Variants in GRXCR1 observed in about 807,000 individuals in gnomAD.
GRXCR1 encodes the protein glutaredoxin domain-containing cysteine-rich protein 1.
In GRXCR1, 27 loss-of-function variants were observed where a neutral mutation model predicts 27.3. The ratio of observed to expected loss-of-function variants is 0.99; its 90% CI spans 0.73 to 1.37. The LOEUF is 1.37. Ranked by LOEUF, GRXCR1 falls within the 40% of genes most tolerant of loss-of-function variation. The probability of loss-of-function intolerance (pLI) is 0.00; values close to 1 mark genes in which losing one functional copy is unlikely to be tolerated. For missense variants in GRXCR1, 379 were observed against 354.4 expected (o/e 1.07, Z -0.56); for synonymous variants, 122 against 131.1 (o/e 0.93, Z 0.47).
At chr4:42,916,378 A>T (rs1329182183) in intron 1 of GRXCR1, among the ~76,000 whole-genome samples, 1 of 152,200 alleles carries the variant, frequency 6.6e-6, no homozygotes, top group African/African-American at 2.4e-5. Flanking sequence ...AGGTAGAACT[A>T]CACAAGCTAA....
chr4:42,914,829 G>A (rs1393078598), intron 1 of GRXCR1, among the ~76,000 whole-genome samples: 1 of 152,082 alleles, frequency 6.6e-6, no homozygotes, highest in Non-Finnish European at 1.5e-5. Context: ...ATTGAATCAT[G>A]GGGGCAGTTT....
intron 2 of GRXCR1, among the ~76,000 whole-genome samples, chr4:42,998,199 G>A (rs748791957): frequency 1.3e-4 from 20 of 152,096 alleles, no homozygotes; most frequent in Non-Finnish European, 2.8e-4. Flanking sequence ...CTGAACGTGA[G>A]TCCATAAAAA....
At chr4:42,984,507 C>T (rs1020931884) in intron 2 of GRXCR1, among the ~76,000 whole-genome samples, 2 of 152,180 alleles carry the variant, frequency 1.3e-5, no homozygotes, top group East Asian at 1.9e-4. Context: ...AAAGTAGATA[C>T]CTATTCTAGT....
intron 1 of GRXCR1, among the ~76,000 whole-genome samples, chr4:42,899,617 C>G (rs34155267): frequency 0.14 from 21,205 of 152,002 alleles, 1,661 homozygotes; most frequent in African/African-American, 0.21. Flanking sequence ...AGTTCTGTCT[C>G]AAGGACAATA....
chr4:42,976,534 C>T (rs1240190579), intron 2 of GRXCR1, among the ~76,000 whole-genome samples: 1 of 151,948 alleles, frequency 6.6e-6, no homozygotes, highest in East Asian at 1.9e-4. Flanking sequence ...GACATGATCA[C>T]ACCCACGAAA....
chr4:42,953,747 T>C (rs1213558095), intron 1 of GRXCR1, among the ~76,000 whole-genome samples: 1 of 152,156 alleles, frequency 6.6e-6, no homozygotes, highest in Non-Finnish European at 1.5e-5. Context: ...TGGATTTGGA[T>C]TTTTTGTTCA....
intron 3 of GRXCR1, among the ~76,000 whole-genome samples, chr4:43,020,715 T>C (rs536899854): frequency 1.3e-5 from 2 of 152,330 alleles, no homozygotes; most frequent in South Asian, 2.1e-4. Context: ...GGAAATGGTC[T>C]TGATGCACAT....
At chr4:42,973,117 A>G (rs1332632463) in intron 2 of GRXCR1, among the ~76,000 whole-genome samples, 1 of 152,114 alleles carries the variant, frequency 6.6e-6, no homozygotes. Flanking sequence ...TAGCCAGTCT[A>G]TAGTCACTTG....
intron 2 of GRXCR1, among the ~76,000 whole-genome samples, chr4:43,001,057 G>A (rs1004691006): frequency 1.3e-5 from 2 of 151,480 alleles, no homozygotes; most frequent in African/African-American, 4.9e-5. Flanking sequence ...CTCCTGAGTA[G>A]CTGGGATTAC....
intron 1 of GRXCR1, among the ~76,000 whole-genome samples, chr4:42,925,809 C>A (rs1052795679): frequency 6.6e-6 from 1 of 151,878 alleles, no homozygotes; most frequent in African/African-American, 2.4e-5. Context: ...TGAAAGACAG[C>A]TGATTCAATT....
At chr4:42,966,707 T>C (rs944328860) in intron 2 of GRXCR1, among the ~76,000 whole-genome samples, 3 of 152,114 alleles carry the variant, frequency 2.0e-5, no homozygotes, top group African/African-American at 4.8e-5. Flanking sequence ...GCATTTGGTG[T>C]TGTGAGTCTT....
intron 1 of GRXCR1, among the ~76,000 whole-genome samples, chr4:42,904,490 A>C (rs556630243): frequency 1.3e-5 from 2 of 152,324 alleles, no homozygotes; most frequent in South Asian, 4.1e-4. Flanking sequence ...TAAGAGCACT[A>C]TTCTCTGGAG....
At chr4:43,026,657 T>C (rs1360553970) in intron 3 of GRXCR1, among the ~76,000 whole-genome samples, 2 of 152,234 alleles carry the variant, frequency 1.3e-5, no homozygotes, top group Admixed American at 1.3e-4. Flanking sequence ...TGAAAACTAC[T>C]ATCATAGAGG....
At chr4:42,946,738 C>G (rs974938349) in intron 1 of GRXCR1, among the ~76,000 whole-genome samples, 1 of 152,042 alleles carries the variant, frequency 6.6e-6, no homozygotes, top group Non-Finnish European at 1.5e-5. Flanking sequence ...GAGTTTTCTG[C>G]CTTCATGACC....
intron 1 of GRXCR1, among the ~76,000 whole-genome samples, chr4:42,929,544 C>T (rs1490953436): frequency 6.6e-6 from 1 of 151,892 alleles, no homozygotes; most frequent in African/African-American, 2.4e-5. Context: ...TGTGAGTTCC[C>T]TTAGAAACTC....
chr4:42,991,884 G>T (rs1409262880), intron 2 of GRXCR1, among the ~76,000 whole-genome samples: 2 of 151,956 alleles, frequency 1.3e-5, no homozygotes, highest in East Asian at 3.9e-4. Context: ...TTTCATTACT[G>T]CCACCCACTT....
chr4:42,909,522 T>C (rs1255936592), intron 1 of GRXCR1, among the ~76,000 whole-genome samples: 1 of 152,184 alleles, frequency 6.6e-6, no homozygotes, highest in East Asian at 1.9e-4. Context: ...CCAGAGCTCG[T>C]CCCTGCACAT....
chr4:42,950,950 T>C (rs760570259), intron 1 of GRXCR1, among the ~76,000 whole-genome samples: 27 of 152,176 alleles, frequency 1.8e-4, no homozygotes, highest in Non-Finnish European at 3.2e-4. Flanking sequence ...TATCCAGATA[T>C]CTATATCTAG....
At chr4:42,987,249 A>ATATAATATATATAT (rs1711789849) in intron 2 of GRXCR1, among the ~76,000 whole-genome samples, 1 of 52,158 alleles carries the variant, frequency 1.9e-5, no homozygotes, top group African/African-American at 6.3e-5. Flanking sequence ...ATAATATATA[A>ATATAATATATATAT]TATATATATA....
Sources: allele counts gnomAD v4.1 joint callset (sites outside exome capture counted in the v4.1 genomes callset), GRCh38; gene constraint gnomAD v4.1.1; transcripts MANE v1.5; gene names NCBI Gene and HGNC (gene_info 2026-07-23, HGNC 2026-07-21).